The following DLG2 variants were observed in gnomAD, a reference collection of about 807,000 sequenced individuals.
DLG2 encodes the protein discs large MAGUK scaffold protein 2, also known as disks large homolog 2.
A neutral mutation model predicts 132.5 loss-of-function variants in DLG2; 45 were observed. The observed-to-expected ratio is 0.34, with a 90% CI of 0.27 to 0.44. DLG2 has a LOEUF of 0.44. DLG2 is among the 20% of genes least tolerant of loss of function. The pLI is 1.00. For missense variants in DLG2, 1,045 were observed against 1,196.9 expected (o/e 0.87, Z 1.87); for synonymous variants, 424 against 419.6 (o/e 1.01, Z -0.13).
At chr11:83,792,264 GT>G (rs537326991) in intron 17 of DLG2, among the ~76,000 whole-genome samples, 1 of 149,866 alleles carries the variant, frequency 6.7e-6, no homozygotes, top group South Asian at 2.1e-4. Flanking sequence ...TGCATTACTT[GT>G]TTTTTTTTAA....
intron 4 of DLG2, among the ~76,000 whole-genome samples, chr11:85,188,553 T>A (rs1273074074): frequency 6.6e-6 from 1 of 152,100 alleles, no homozygotes; most frequent in Non-Finnish European, 1.5e-5. Context: ...GACCTAACAA[T>A]GACTTTAAAG....
Position 85,263,028 on chromosome 11 carries a change from C to G in DLG2, c.186+22192G>C, listed in dbSNP as rs569750614. ...GACCAAAAAGAATGTCTGCTGGGGACCTGAACCATAATTTCTCTCAGGGCA... is the reference window on the plus strand; with the variant it reads ...GACCAAAAAGAATGTCTGCTGGGGAGCTGAACCATAATTTCTCTCAGGGCA... On this transcript the variant is annotated intron_variant, in intron 4 of 27. Transcript: ENST00000376104. Among the ~76,000 whole-genome samples, 21 of 152,186 alleles carry G rather than the reference C, an allele frequency of 1.4e-4. 1 individual carries two copies. Among genetic ancestry groups the G allele is most frequent in the African/African-American group, 4.1e-4 (17 of 41,510 alleles).
At chr11:84,423,595 G>T (rs1278787006) in intron 7 of DLG2, among the ~76,000 whole-genome samples, 5 of 152,088 alleles carry the variant, frequency 3.3e-5, no homozygotes, top group African/African-American at 1.2e-4. Context: ...ATACACTGTT[G>T]AATGTTGAGT....
At chr11:83,520,152 G>A (rs982001131) in intron 21 of DLG2, among the ~76,000 whole-genome samples, 7 of 152,296 alleles carry the variant, frequency 4.6e-5, no homozygotes, top group African/African-American at 1.4e-4. Context: ...AAACATAAAA[G>A]GCGAATGGCA....
At chr11:84,872,245 C>G (rs1390451437) in intron 6 of DLG2, among the ~76,000 whole-genome samples, 1 of 152,158 alleles carries the variant, frequency 6.6e-6, no homozygotes. Context: ...CATCTTTACT[C>G]TTTCAAGCAG....
chr11:84,976,661 A>G (rs990159368), intron 6 of DLG2, among the ~76,000 whole-genome samples: 27 of 152,152 alleles, frequency 1.8e-4, no homozygotes, highest in African/African-American at 6.5e-4. Flanking sequence ...TACAATAAAA[A>G]TACACTATAG....
intron 17 of DLG2, among the ~76,000 whole-genome samples, chr11:83,793,852 A>C (rs1426633110): frequency 6.6e-6 from 1 of 152,222 alleles, no homozygotes; most frequent in Non-Finnish European, 1.5e-5. Context: ...ATAGAAATTA[A>C]CCAACACAGA....
chr11:85,507,675 A>G (rs2093966449), intron 3 of DLG2, among the ~76,000 whole-genome samples: 1 of 152,040 alleles, frequency 6.6e-6, no homozygotes, highest in South Asian at 2.1e-4. Flanking sequence ...GAATCTGACA[A>G]TTATGTGTCT....
chr11:83,520,823 C>T (rs556498388), intron 21 of DLG2, among the ~76,000 whole-genome samples: 17 of 152,200 alleles, frequency 1.1e-4, no homozygotes, highest in South Asian at 8.3e-4. Flanking sequence ...TTGTGTAGCT[C>T]GCATCTTAAT....
At chr11:84,174,610 C>T (rs527785448) in intron 8 of DLG2, among the ~76,000 whole-genome samples, 7 of 152,168 alleles carry the variant, frequency 4.6e-5, no homozygotes, top group African/African-American at 1.7e-4. Flanking sequence ...CCTAAAATTT[C>T]CCATGTATTA....
At chr11:84,192,033 C>A (rs2154291595) in intron 8 of DLG2, among the ~76,000 whole-genome samples, 1 of 141,466 alleles carries the variant, frequency 7.1e-6, no homozygotes, top group South Asian at 2.2e-4. Flanking sequence ...TTTGCTAGAA[C>A]ATAAATGAAA....
intron 14 of DLG2, among the ~76,000 whole-genome samples, chr11:83,936,188 G>C (rs560115921): frequency 2.0e-5 from 3 of 152,350 alleles, no homozygotes; most frequent in Admixed American, 1.3e-4. Flanking sequence ...TTCTCTACAA[G>C]AGGGTTGAAC....
intron 11 of DLG2, among the ~76,000 whole-genome samples, chr11:83,996,405 C>G (rs1421371985): frequency 6.6e-6 from 1 of 152,194 alleles, no homozygotes; most frequent in Non-Finnish European, 1.5e-5. Context: ...CTATGGAGAA[C>G]AGTTTGGACA....
intron 6 of DLG2, among the ~76,000 whole-genome samples, chr11:84,968,325 A>C (rs1350795437): frequency 6.6e-6 from 1 of 152,180 alleles, no homozygotes; most frequent in African/African-American, 2.4e-5. Flanking sequence ...ATGGAGGAGA[A>C]TATAACAGAA....
chr11:85,166,049 G>A (rs1594997657), intron 4 of DLG2, among the ~76,000 whole-genome samples: 1 of 152,022 alleles, frequency 6.6e-6, no homozygotes, highest in South Asian at 2.1e-4. Context: ...AGATTTGTTA[G>A]AATCTTTTTC....
At chr11:85,108,740 T>C (rs960335685) in intron 6 of DLG2, among the ~76,000 whole-genome samples, 5 of 152,064 alleles carry the variant, frequency 3.3e-5, no homozygotes, top group Admixed American at 1.3e-4. Context: ...TCAGTAAACA[T>C]TGCTGACTAG....
At chr11:85,150,699 A>AGT (rs71036459) in intron 5 of DLG2, among the ~76,000 whole-genome samples, 3,278 of 127,256 alleles carry the variant, frequency 0.026, 37 homozygotes, top group East Asian at 0.075. Flanking sequence ...AAGGCTACAT[A>AGT]GTGTGTGTGT....
At chr11:84,362,857 G>A (rs1322755558) in intron 7 of DLG2, among the ~76,000 whole-genome samples, 1 of 152,120 alleles carries the variant, frequency 6.6e-6, no homozygotes, top group Non-Finnish European at 1.5e-5. Context: ...TTTGATGGCT[G>A]CATAGTATTC....
chr11:85,504,154 C>T (rs1241733947), intron 3 of DLG2, among the ~76,000 whole-genome samples: 2 of 152,096 alleles, frequency 1.3e-5, no homozygotes, highest in South Asian at 2.1e-4. Flanking sequence ...TTCTCCCATT[C>T]TGTAGGTTGC....
Sources: allele counts gnomAD v4.1 joint callset (sites outside exome capture counted in the v4.1 genomes callset), GRCh38; gene constraint gnomAD v4.1.1; transcripts MANE v1.5; gene names NCBI Gene and HGNC (gene_info 2026-07-23, HGNC 2026-07-21).